CCDC141: variants seen among roughly 807,000 people sequenced by gnomAD.
CCDC141 encodes the protein coiled-coil domain-containing protein 141.
CCDC141 carries 168 observed loss-of-function variants against 181.0 expected under a neutral mutation model. The observed-to-expected ratio is 0.93, with a 90% confidence interval of 0.82 to 1.05. The LOEUF (loss-of-function observed/expected upper bound fraction) is 1.05. CCDC141 is among the 50% of genes least tolerant of loss of function. CCDC141 has a pLI of 0.00. For missense variants in CCDC141, 1,902 were observed against 1,788.5 expected, an observed-to-expected ratio of 1.06 and a Z score of -1.14; for synonymous variants, 666 against 642.3, an observed-to-expected ratio of 1.04 and a Z score of -0.56.
chr2:178,848,494 G>C (rs925925819), intron 21 of CCDC141, among the ~76,000 whole-genome samples: 2 of 152,208 alleles, frequency 1.3e-5, no homozygotes, highest in Non-Finnish European at 2.9e-5. Context: ...GCGTGAGAAA[G>C]AGAGAATGCA....
intron 6 of CCDC141, 142 bp downstream of exon 6, chr2:178,944,393 T>G: frequency 2.3e-6 from 1 of 441,790 alleles, no homozygotes; most frequent in East Asian, 3.4e-5. Context: ...TATTTGCTAA[T>G]GTTATTGGGA....
In CCDC141 at chr2:178,933,244, C is replaced by T. The variant is rs571439375; in HGVS notation, c.897+11291G>A. Among the ~76,000 whole-genome samples, 8 of 152,196 alleles carry T rather than the reference C, an allele frequency of 5.3e-5. No individual in the cohort carries two copies. The South Asian group carries it at 1.4e-3, about 28-fold the overall frequency. ...CATAACTTTAAAAATTATTATTAAT[C>T]AAGAACTTCATGAACAATATATGTC... is the stretch of plus-strand genomic sequence containing the variant. On this transcript the variant is annotated intron_variant, in intron 6 of 23. Coordinates refer to ENST00000443758, the MANE Select transcript of CCDC141 (RefSeq NM_173648.4).
At chr2:178,874,715 G>T (rs986752933) in intron 12 of CCDC141, 2 of 152,230 alleles carry the variant, frequency 1.3e-5, no homozygotes, top group African/African-American at 4.8e-5. Flanking sequence ...TGACAGGGGT[G>T]AGCTCACCTA....
chr2:178,961,510 A>T, intron 4 of CCDC141, 27 bp from the exon 5 acceptor site: 2 of 1,515,000 alleles, frequency 1.3e-6, no homozygotes, highest in Non-Finnish European at 8.9e-7. Flanking sequence ...AAGAAAAAAG[A>T]ATAATGATAT....
chr2:178,989,552 C>A (rs1691928127), intron 2 of CCDC141, among the ~76,000 whole-genome samples: 1 of 150,004 alleles, frequency 6.7e-6, no homozygotes, highest in Non-Finnish European at 1.5e-5. Flanking sequence ...TGAGATCATA[C>A]CACTGTACTC....
intron 17 of CCDC141, among the ~76,000 whole-genome samples, chr2:178,864,914 C>T (rs1353170790): frequency 6.6e-6 from 1 of 152,182 alleles, no homozygotes; most frequent in Non-Finnish European, 1.5e-5. Flanking sequence ...ACATTTTGCT[C>T]TAAATGGAGA....
Position 178,856,367 on chromosome 2 carries a change from T to C in CCDC141, c.2755A>G (p.Lys919Glu). The C allele has an allele frequency of 1.9e-6, 3 of 1,601,706 alleles. No individual in the cohort carries two copies. The highest frequency in any genetic ancestry group is 1.1e-5 in the South Asian group (1 of 90,044). Residue 919 changes from lysine (K) to glutamate (E), a missense_variant, in exon 18 of 24, where the codon AAA becomes GAA. Coordinates refer to ENST00000443758, the MANE Select transcript of CCDC141 (RefSeq NM_173648.4). ...LKDSFKDIKKKFNNLKFNYTK... is the reference protein window; with the variant it reads ...LKDSFKDIKKEFNNLKFNYTK... Reference sequence around the variant, plus strand: ...TAATTAAACTTCAAATTATTGAATTTCTTTTTGATATCTTTGAATGAGTCT... The same window carrying C: ...TAATTAAACTTCAAATTATTGAATTCCTTTTTGATATCTTTGAATGAGTCT...
chr2:178,956,476 T>A (rs983316286), intron 5 of CCDC141, among the ~76,000 whole-genome samples: 1 of 151,906 alleles, frequency 6.6e-6, no homozygotes, highest in Non-Finnish European at 1.5e-5. Flanking sequence ...TGTGCATGTG[T>A]GTTTTTTGTA....
At chr2:178,991,081 C>G (rs1692032176) in intron 2 of CCDC141, among the ~76,000 whole-genome samples, 1 of 152,200 alleles carries the variant, frequency 6.6e-6, no homozygotes, top group African/African-American at 2.4e-5. Flanking sequence ...CTGAAACAAC[C>G]TGCTGCAACT....
chr2:178,902,756 G>GT, intron 8 of CCDC141, among the ~76,000 whole-genome samples: 2 of 149,986 alleles, frequency 1.3e-5, no homozygotes, highest in African/African-American at 4.8e-5. Context: ...ATTGACAAAT[G>GT]GGATCTAATT....
chr2:179,015,398 T>TATCTCTCATATATGTATC (rs2042458384), intron 2 of CCDC141, among the ~76,000 whole-genome samples: 1 of 137,756 alleles, frequency 7.3e-6, no homozygotes, highest in Admixed American at 8.0e-5. Flanking sequence ...ATGTATCATA[T>TATCTCTCATATATGTATC]ATCTCATATA....
chr2:178,885,766 T>G (rs973025385), intron 10 of CCDC141, among the ~76,000 whole-genome samples: 8 of 152,140 alleles, frequency 5.3e-5, no homozygotes, highest in Non-Finnish European at 8.8e-5. Context: ...CATGTAAAAT[T>G]TCATTGAGAC....
intron 13 of CCDC141, 103 bp from the exon 14 acceptor site, chr2:178,871,655 C>T (rs1686125971): frequency 7.6e-7 from 1 of 1,310,194 alleles, no homozygotes. Flanking sequence ...TTTTCAAACC[C>T]CATGAAAACA....
chr2:179,013,512 T>A (rs1252749255), intron 2 of CCDC141, among the ~76,000 whole-genome samples: 2 of 152,062 alleles, frequency 1.3e-5, no homozygotes, highest in African/African-American at 4.8e-5. Flanking sequence ...ATGGGTAGAA[T>A]CAATATTGTG....
chr2:178,866,848 C>T (rs937246413), intron 16 of CCDC141, among the ~76,000 whole-genome samples: 1 of 152,142 alleles, frequency 6.6e-6, no homozygotes, highest in African/African-American at 2.4e-5. Flanking sequence ...GCCTCAGCCT[C>T]CCAAGTAATT....
At chr2:178,938,267 G>A (rs767753957) in intron 6 of CCDC141, among the ~76,000 whole-genome samples, 5 of 152,126 alleles carry the variant, frequency 3.3e-5, no homozygotes, top group Admixed American at 2.0e-4. Context: ...TGCCTTAGCT[G>A]TGTCCCAGAG....
At chr2:178,987,376 C>G (rs1406497587) in intron 2 of CCDC141, among the ~76,000 whole-genome samples, 5 of 151,878 alleles carry the variant, frequency 3.3e-5, no homozygotes. Context: ...TAGAAGAAAA[C>G]CTAGGCATTA....
At chr2:179,012,597 C>T (rs7590474) in intron 2 of CCDC141, among the ~76,000 whole-genome samples, 23,627 of 151,544 alleles carry the variant, frequency 0.16, 2,261 homozygotes, top group African/African-American at 0.26. Context: ...AAGAAGGAAC[C>T]CTCCCTAATT....
intron 2 of CCDC141, among the ~76,000 whole-genome samples, chr2:179,045,782 A>G (rs1422830865): frequency 6.6e-6 from 1 of 152,228 alleles, no homozygotes; most frequent in Non-Finnish European, 1.5e-5. Flanking sequence ...AAGGACATGA[A>G]CAGACACTTC....
Sources: allele counts gnomAD v4.1 joint callset (sites outside exome capture counted in the v4.1 genomes callset), GRCh38; gene constraint gnomAD v4.1.1; transcripts MANE v1.5; gene names NCBI Gene and HGNC (gene_info 2026-07-23, HGNC 2026-07-21).